The following PCDHA7 variants were observed in gnomAD, a reference collection of about 807,000 sequenced individuals.
PCDHA7 encodes protocadherin alpha-7.
PCDHA7 carries 37 observed loss-of-function variants against 57.2 expected under a neutral mutation model. The observed-to-expected ratio is 0.65, with a 90% CI of 0.50 to 0.85. The LOEUF is 0.85. Among genes scored for constraint, PCDHA7 ranks in the 40% least tolerant of loss-of-function variants. The pLI is 0.00. For missense variants in PCDHA7, 1,188 were observed against 1,241.8 expected (o/e 0.96, Z 0.65); for synonymous variants, 553 against 558.8 (o/e 0.99, Z 0.15).
chr5:140,928,687 C>G (rs782599747), intron 1 of PCDHA7: 1 of 1,614,142 alleles, frequency 6.2e-7, no homozygotes, highest in Non-Finnish European at 8.5e-7. Flanking sequence ...GCTTTCCTAC[C>G]ACATCTCCCG....
At chr5:140,972,797 G>A (rs1563419152) in intron 1 of PCDHA7, among the ~76,000 whole-genome samples, 3 of 151,664 alleles carry the variant, frequency 2.0e-5, no homozygotes, top group Admixed American at 2.0e-4. Flanking sequence ...CTGAGTAGCT[G>A]AGATTACAGG....
intron 1 of PCDHA7, among the ~76,000 whole-genome samples, chr5:140,899,785 A>C (rs1460475621): frequency 6.6e-6 from 1 of 152,166 alleles, no homozygotes; most frequent in African/African-American, 2.4e-5. Flanking sequence ...CTCTGGTATA[A>C]TTCGGCTGTG....
At chr5:140,992,035 G>A (rs529236840) in intron 3 of PCDHA7, among the ~76,000 whole-genome samples, 1 of 151,988 alleles carries the variant, frequency 6.6e-6, no homozygotes, top group Non-Finnish European at 1.5e-5. Flanking sequence ...GTGTGTGTGT[G>A]TGTGTGTGTG....
intron 1 of PCDHA7, chr5:140,967,239 G>A: frequency 1.9e-6 from 3 of 1,613,672 alleles, no homozygotes; most frequent in Non-Finnish European, 2.5e-6. Context: ...CTTCAGGTAA[G>A]CGAATCGGTG....
intron 1 of PCDHA7, among the ~76,000 whole-genome samples, chr5:140,946,755 A>G (rs1554217843): frequency 3.3e-5 from 5 of 151,400 alleles, no homozygotes. Context: ...ATACTGCATG[A>G]TCTCATTCAT....
intron 1 of PCDHA7, among the ~76,000 whole-genome samples, chr5:140,953,720 G>C (rs2094928996): frequency 6.6e-6 from 1 of 152,068 alleles, no homozygotes; most frequent in African/African-American, 2.4e-5. Flanking sequence ...CAGACATTGT[G>C]TTTTGAAATT....
At chr5:140,906,257 C>A (rs1394766953) in intron 1 of PCDHA7, among the ~76,000 whole-genome samples, 2 of 152,168 alleles carry the variant, frequency 1.3e-5, no homozygotes, top group Non-Finnish European at 2.9e-5. Flanking sequence ...ATACACACCT[C>A]CTGAAATTAT....
At chr5:140,971,244 A>G (rs1389573593) in intron 1 of PCDHA7, among the ~76,000 whole-genome samples, 6 of 152,174 alleles carry the variant, frequency 3.9e-5, no homozygotes, top group Non-Finnish European at 8.8e-5. Context: ...GGGCAATTTG[A>G]TACATAAACT....
chr5:140,984,419 T>C (rs564096734), intron 3 of PCDHA7, among the ~76,000 whole-genome samples: 5 of 152,290 alleles, frequency 3.3e-5, no homozygotes, highest in African/African-American at 9.6e-5. Context: ...TTTACAGAGA[T>C]AGAGAAGGGG....
intron 1 of PCDHA7, among the ~76,000 whole-genome samples, chr5:140,960,004 A>C (rs2095521827): frequency 6.6e-6 from 1 of 152,216 alleles, no homozygotes; most frequent in Non-Finnish European, 1.5e-5. Context: ...ATACAAATCT[A>C]TTTTGCATCA....
chr5:140,883,627 G>T (rs781902332), intron 1 of PCDHA7: 78 of 1,613,816 alleles, frequency 4.8e-5, no homozygotes, highest in Non-Finnish European at 6.2e-5. Flanking sequence ...ACAACGCGCC[G>T]GCGTTCGCGC....
rs114410083 is a variant in PCDHA7, at chr5:140,927,323, C to T, written c.2356-51626C>T. 1,487 of 1,614,220 alleles carry T rather than the reference C, an allele frequency of 9.2e-4. 8 individuals are homozygous for T. In the African/African-American group the frequency reaches 0.018, roughly 19 times the overall value. ...TTCCTGACGCCCGGAGCCCGCTTTA[C>T]TCTCCCGAATGCCCAAGATGACGAC... On this transcript the variant is annotated intron_variant, in intron 1 of 3. Coordinates refer to ENST00000525929, the MANE Select transcript of PCDHA7 (RefSeq NM_018910.3).
At chr5:140,910,399 T>G (rs1461842314) in intron 1 of PCDHA7, among the ~76,000 whole-genome samples, 1 of 152,172 alleles carries the variant, frequency 6.6e-6, no homozygotes, top group East Asian at 1.9e-4. Context: ...GACTGGCCCC[T>G]GCCACCTCGA....
intron 1 of PCDHA7, among the ~76,000 whole-genome samples, chr5:140,951,752 G>A (rs246039): frequency 0.51 from 77,303 of 151,800 alleles, 20,616 homozygotes; most frequent in African/African-American, 0.68. Context: ...CTCACCCTCC[G>A]CGAAATCTCA....
intron 3 of PCDHA7, 123 bp downstream of exon 3, chr5:140,982,686 C>T: frequency 2.8e-6 from 4 of 1,418,870 alleles, no homozygotes; most frequent in Non-Finnish European, 3.7e-6. Context: ...TCCCTTTTTT[C>T]CATACATACA....
At chr5:140,920,474 GT>G (rs1407391996) in intron 1 of PCDHA7, among the ~76,000 whole-genome samples, 1 of 152,008 alleles carries the variant, frequency 6.6e-6, no homozygotes, top group Non-Finnish European at 1.5e-5. Flanking sequence ...ATTTCTGTAT[GT>G]TTTTGGTCCA....
At chr5:140,868,958 T>C (rs1033698977) in intron 1 of PCDHA7, 1 of 1,397,386 alleles carries the variant, frequency 7.2e-7, no homozygotes, top group African/African-American at 1.4e-5. Context: ...GGCACTCCCA[T>C]ACAAAGGAAC....
At chr5:141,005,467 GC>G (rs1463928635) in intron 3 of PCDHA7, among the ~76,000 whole-genome samples, 1 of 151,982 alleles carries the variant, frequency 6.6e-6, no homozygotes, top group Non-Finnish European at 1.5e-5. Context: ...ACTTTGGGAG[GC>G]CGAGACGGGC....
intron 1 of PCDHA7, among the ~76,000 whole-genome samples, chr5:140,973,878 A>T (rs1440672302): frequency 6.6e-6 from 1 of 152,214 alleles, no homozygotes; most frequent in African/African-American, 2.4e-5. Context: ...GGTCAGAATA[A>T]TGTCAATTTG....
Sources: allele counts gnomAD v4.1 joint callset (sites outside exome capture counted in the v4.1 genomes callset), GRCh38; gene constraint gnomAD v4.1.1; transcripts MANE v1.5; gene names NCBI Gene and HGNC (gene_info 2026-07-23, HGNC 2026-07-21).